The following ZZEF1 variants were observed in gnomAD, a reference collection of about 807,000 sequenced individuals.
ZZEF1 encodes zinc finger ZZ-type and EF-hand domain-containing protein 1.
Under a neutral mutation model 342.8 loss-of-function variants are expected in ZZEF1, and 157 were observed. That is an observed-to-expected ratio of 0.46 (90% CI 0.40 to 0.52). The LOEUF is 0.52. Among genes scored for constraint, ZZEF1 ranks in the 20% least tolerant of loss-of-function variants. ZZEF1 has a pLI of 0.00. For missense variants in ZZEF1, 3,480 were observed against 3,725.6 expected (o/e 0.93, Z 1.72); for synonymous variants, 1,505 against 1,429.1 (o/e 1.05, Z -1.20).
At chr17:4,024,558 A>G (rs931561852) in intron 43 of ZZEF1, among the ~76,000 whole-genome samples, 1 of 152,082 alleles carries the variant, frequency 6.6e-6, no homozygotes, top group African/African-American at 2.4e-5. Flanking sequence ...CCTGTTGCTC[A>G]TCCCCTAGGA....
At chr17:4,074,682 G>C (rs918237835) in intron 23 of ZZEF1, among the ~76,000 whole-genome samples, 1 of 152,184 alleles carries the variant, frequency 6.6e-6, no homozygotes, top group East Asian at 1.9e-4. Context: ...TCAACAGTCT[G>C]AGGCAGTACT....
chr17:4,130,621 C>T (rs560909087), intron 1 of ZZEF1, among the ~76,000 whole-genome samples: 6 of 152,050 alleles, frequency 3.9e-5, no homozygotes, highest in African/African-American at 9.6e-5. Context: ...GGAAAGTCAG[C>T]GGGCCAGTTC....
intron 1 of ZZEF1, among the ~76,000 whole-genome samples, chr17:4,136,596 G>A (rs2058752979): frequency 6.6e-6 from 1 of 152,138 alleles, no homozygotes; most frequent in Admixed American, 6.6e-5. Context: ...CTGAAGAACA[G>A]CAGAATGAGC....
At position 4,112,384 on chromosome 17, in the gene ZZEF1, G is replaced by A. The variant is rs376828177; in HGVS notation, c.1066+225C>T. On this transcript the variant is annotated intron_variant, in intron 5 of 54. Coordinates refer to ENST00000381638, the MANE Select transcript of ZZEF1 (RefSeq NM_015113.4). ...TGTTTTCGAACTCCTGATCTCAAGT[G>A]ATTCACCTGCCTTGGCCTCCCAAAG... Among the ~76,000 whole-genome samples, 131 of 152,094 alleles carry A rather than the reference G, an allele frequency of 8.6e-4. 4 individuals are homozygous for A. The South Asian group carries it at 0.026, about 30-fold the overall frequency.
intron 51 of ZZEF1, among the ~76,000 whole-genome samples, 170 bp downstream of exon 51, chr17:4,013,920 T>A (rs1045711777): frequency 2.6e-5 from 4 of 152,184 alleles, no homozygotes; most frequent in Non-Finnish European, 5.9e-5. Flanking sequence ...AACTAGCCAA[T>A]GAAATCACAT....
intron 1 of ZZEF1, among the ~76,000 whole-genome samples, chr17:4,135,423 C>G (rs1043626302): frequency 1.9e-4 from 29 of 151,996 alleles, no homozygotes; most frequent in African/African-American, 7.0e-4. Context: ...TTGCAGTGAG[C>G]TGAAATCACC....
In ZZEF1 at chr17:4,096,429, C is replaced by T. The variant is rs576358455; in HGVS notation, c.1764+180G>A. Among the ~76,000 whole-genome samples the T allele has an allele frequency of 3.3e-5, 5 of 152,252 alleles. No individual in the cohort carries two copies. In the South Asian group the frequency reaches 1.0e-3, roughly 32 times the overall value. On this transcript the variant is annotated intron_variant, in intron 10 of 54. Coordinates refer to ENST00000381638, the MANE Select transcript of ZZEF1 (RefSeq NM_015113.4). Reference sequence around the variant, plus strand: ...ACAGTGTAATGGATTGTTTATAACACAAAGACTAAATGCCTGAGGGGATGA... The same window carrying T: ...ACAGTGTAATGGATTGTTTATAACATAAAGACTAAATGCCTGAGGGGATGA...
At chr17:4,013,700 C>T (rs1022029979) in intron 51 of ZZEF1, 86 bp from the exon 52 acceptor site, 11 of 1,356,296 alleles carry the variant, frequency 8.1e-6, no homozygotes, top group Admixed American at 2.6e-5. Context: ...CAATTGTGTA[C>T]GTTAAGAATT....
At chr17:4,058,930 C>G (rs574489843) in intron 31 of ZZEF1, among the ~76,000 whole-genome samples, 1 of 152,120 alleles carries the variant, frequency 6.6e-6, no homozygotes, top group South Asian at 2.1e-4. Flanking sequence ...GCTATAAATT[C>G]TTAGAAAAAC....
rs369275323 is a variant in ZZEF1 at position 4,124,712 on chromosome 17, C to G, written c.355-661G>C. On this transcript the variant is annotated intron_variant, in intron 1 of 54. Coordinates refer to ENST00000381638, the MANE Select transcript of ZZEF1 (RefSeq NM_015113.4). The stretch of plus-strand genomic sequence containing the variant: ...ACCTCAGGTGATCCGCCCACCTCAG[C>G]CTCCCAAAGTGCTGGGATTACAGGT... 3.3e-5 allele frequency among the ~76,000 whole-genome samples: 5 copies of G among 151,860 alleles called. No individual in the cohort carries two copies. The South Asian group carries it at 6.2e-4, about 19-fold the overall frequency.
intron 42 of ZZEF1, among the ~76,000 whole-genome samples, chr17:4,027,096 T>G (rs1273766883): frequency 6.6e-6 from 1 of 152,086 alleles, no homozygotes; most frequent in East Asian, 1.9e-4. Flanking sequence ...ATATAAAAGC[T>G]AATGTTTTCT....
At chr17:4,082,711 C>T (rs2057747037) in intron 16 of ZZEF1, among the ~76,000 whole-genome samples, 1 of 152,170 alleles carries the variant, frequency 6.6e-6, no homozygotes, top group Admixed American at 6.5e-5. Context: ...GGTAGGTGCA[C>T]TTGGTTCACT....
intron 2 of ZZEF1, among the ~76,000 whole-genome samples, chr17:4,123,195 C>T (rs1031038489): frequency 2.0e-5 from 3 of 149,166 alleles, no homozygotes; most frequent in African/African-American, 7.4e-5. Flanking sequence ...GCTGGGATTA[C>T]AGGCGTAAGC....
chr17:4,062,182 C>A (rs2057299906), intron 30 of ZZEF1, among the ~76,000 whole-genome samples: 1 of 152,052 alleles, frequency 6.6e-6, no homozygotes, highest in South Asian at 2.1e-4. Flanking sequence ...GGTCATTCAC[C>A]TCTTTGGCTT....
chr17:4,123,129 C>T (rs1597925809), intron 2 of ZZEF1, among the ~76,000 whole-genome samples: 1 of 150,686 alleles, frequency 6.6e-6, no homozygotes, highest in African/African-American at 2.4e-5. Flanking sequence ...ACTGTGTTAG[C>T]CAGAATGATC....
rs184600870 is a variant in ZZEF1 at position 4,132,735 on chromosome 17, G to A, written c.355-8684C>T. ...TAATCCCAGCACTTTGGGAGGCCGAGGCGGGTGGATCACGAAGTCAGGAGA... is the reference window on the plus strand; with the variant it reads ...TAATCCCAGCACTTTGGGAGGCCGAAGCGGGTGGATCACGAAGTCAGGAGA... On this transcript the variant is annotated intron_variant, in intron 1 of 54. Transcript: ENST00000381638. Among the ~76,000 whole-genome samples, 15 of 91,968 alleles carry A rather than the reference G, an allele frequency of 1.6e-4. 4 individuals carry two copies. Among genetic ancestry groups the A allele is most frequent in the African/African-American group, 3.2e-4 (11 of 34,226 alleles). 60.3% of individuals were successfully genotyped at this position (91,968 alleles called of 152,430 possible).
Position 4,056,255 on chromosome 17 carries a change from A to G in ZZEF1, c.5256T>C (p.Tyr1752=). Residue 1752 remains tyrosine, a synonymous_variant, in exon 33 of 55, where the codon TAT becomes TAC. Coordinates refer to ENST00000381638, the MANE Select transcript of ZZEF1 (RefSeq NM_015113.4). ...ECQDGMFEAW[Y]EKIAQEDPEK... ...CTGGATCTTCCTGGGCTATTTTTTC[A>G]TACCAGGCCTCAAACATGCCATCCT... 6.3e-7 allele frequency: 1 copy of G among 1,590,784 alleles called. No homozygotes were observed. The highest frequency in any genetic ancestry group is 8.6e-7 in the Non-Finnish European group (1 of 1,168,446).
chr17:4,132,944 C>A (rs139933021), intron 1 of ZZEF1, among the ~76,000 whole-genome samples: 18 of 151,560 alleles, frequency 1.2e-4, no homozygotes, highest in African/African-American at 4.4e-4. Context: ...CCAGCCTGGG[C>A]GACAGAGCGA....
intron 25 of ZZEF1, 78 bp downstream of exon 25, chr17:4,072,530 A>G: frequency 6.9e-7 from 1 of 1,452,990 alleles, no homozygotes; most frequent in East Asian, 2.4e-5. Flanking sequence ...ATAGAAACAC[A>G]AGTGTTTATA....
Sources: gnomAD v4.1 joint callset for allele counts (sites outside exome capture counted in the v4.1 genomes callset) on GRCh38, gnomAD v4.1.1 for gene constraint, MANE v1.5 for transcripts, NCBI Gene and HGNC (gene_info 2026-07-23, HGNC 2026-07-21) for gene names.